Variants in EFR3A observed in about 807,000 individuals in gnomAD.
The protein encoded by EFR3A is protein EFR3 homolog A.
A neutral mutation model predicts 104.4 loss-of-function variants in EFR3A; 76 were observed. The observed-to-expected ratio is 0.73, with a 90% CI of 0.60 to 0.88. The LOEUF (loss-of-function observed/expected upper bound fraction) is 0.88. EFR3A is among the 40% of genes least tolerant of loss of function. The probability of loss-of-function intolerance (pLI) is 0.00; values close to 1 mark genes in which losing one functional copy is unlikely to be tolerated. For missense variants in EFR3A, 985 were observed against 1,012.5 expected (o/e 0.97, Z 0.37); for synonymous variants, 330 against 330.0 (o/e 1.00, Z 0.00).
At chr8:131,999,790 T>C (rs1821698305) in intron 19 of EFR3A, among the ~76,000 whole-genome samples, 1 of 152,178 alleles carries the variant, frequency 6.6e-6, no homozygotes, top group African/African-American at 2.4e-5. Flanking sequence ...GAGGGCTTTC[T>C]GTGTCACTTC....
chr8:131,950,055 C>T lies in EFR3A; in HGVS notation c.453C>T (p.Cys151=). 1 of 1,609,918 alleles carries T rather than the reference C, an allele frequency of 6.2e-7. No homozygotes were observed. The highest frequency in any genetic ancestry group is 1.1e-5 in the South Asian group (1 of 90,510). ...DFFVSRFSAM[C]HSCHSDPEIR... ...TTGTGTCTCGATTCAGTGCCATGTG[C>T]CATTCCTGTCATAGTGATCCAGAAA... Residue 151 remains cysteine (C), a synonymous_variant, in exon 5 of 23, where the codon TGC becomes TGT. Coordinates refer to ENST00000254624, the MANE Select transcript of EFR3A (RefSeq NM_015137.6).
chr8:131,960,378 A>G (rs981310809), intron 8 of EFR3A, among the ~76,000 whole-genome samples: 2 of 152,142 alleles, frequency 1.3e-5, no homozygotes, highest in Non-Finnish European at 2.9e-5. Flanking sequence ...GGCCAACTGC[A>G]GGACTTGAAT....
chr8:131,996,039 T>C (rs907374240), intron 18 of EFR3A, among the ~76,000 whole-genome samples: 1 of 152,160 alleles, frequency 6.6e-6, no homozygotes, highest in African/African-American at 2.4e-5. Flanking sequence ...ATATTGTCAG[T>C]TTTCATTTAG....
intron 22 of EFR3A, among the ~76,000 whole-genome samples, chr8:132,005,578 A>G (rs1821999055): frequency 6.6e-6 from 1 of 151,954 alleles, no homozygotes; most frequent in African/African-American, 2.4e-5. Context: ...CACGTCAAAG[A>G]ATTTAAAGGA....
intron 9 of EFR3A, among the ~76,000 whole-genome samples, chr8:131,970,271 C>T (rs1025909060): frequency 2.0e-5 from 3 of 152,094 alleles, no homozygotes; most frequent in Non-Finnish European, 4.4e-5. Flanking sequence ...CATAAATGCC[C>T]AGTAAATGTT....
chr8:131,972,360 C>G (rs1161736461), intron 10 of EFR3A, among the ~76,000 whole-genome samples: 1 of 151,210 alleles, frequency 6.6e-6, no homozygotes, highest in Non-Finnish European at 1.5e-5. Flanking sequence ...TCCAAAGGAG[C>G]TGCGGTTGTT....
At chr8:131,953,553 A>G (rs563873380) in intron 5 of EFR3A, among the ~76,000 whole-genome samples, 10 of 152,234 alleles carry the variant, frequency 6.6e-5, no homozygotes, top group East Asian at 1.9e-4. Context: ...AAATTGAAAA[A>G]TAGATATTTC....
Position 131,981,633 on chromosome 8 carries a change from G to T in EFR3A, c.1575+2212G>T, listed in dbSNP as rs114490216. Reference sequence around the variant, plus strand: ...GCAAAGAACTAAAGAAAAAAAATTGGGTTCTGTAGGCACAGGATGATGGAC... The same window carrying T: ...GCAAAGAACTAAAGAAAAAAAATTGTGTTCTGTAGGCACAGGATGATGGAC... On this transcript the variant is annotated intron_variant, in intron 14 of 22. Transcript: ENST00000254624. Among the ~76,000 whole-genome samples, 697 of 152,162 alleles carry T rather than the reference G, an allele frequency of 4.6e-3. 8 individuals are homozygous for T. The highest frequency in any genetic ancestry group is 0.016 in the African/African-American group (676 of 41,528).
At chr8:131,963,778 T>C (rs935358504) in intron 8 of EFR3A, among the ~76,000 whole-genome samples, 2 of 152,084 alleles carry the variant, frequency 1.3e-5, no homozygotes, top group Non-Finnish European at 2.9e-5. Context: ...AAAAAGAGAA[T>C]TTTAGACCAA....
chr8:131,904,384 C>T, intron 1 of EFR3A, 62 bp downstream of exon 1: 1 of 1,232,574 alleles, frequency 8.1e-7, no homozygotes, highest in Non-Finnish European at 1.0e-6. Context: ...CGCGCTTGGG[C>T]CGGGTACTCC....
Position 131,978,996 on chromosome 8 carries a change from T to C in EFR3A, c.1476T>C (p.Asn492=). 6.2e-7 allele frequency: 1 copy of C among 1,610,902 alleles called. No individual in the cohort carries two copies. Among genetic ancestry groups the C allele is most frequent in the Non-Finnish European group, 8.5e-7 (1 of 1,178,554 alleles). The change falls in exon 13 of 23, where the codon AAT becomes AAC. Residue 492 remains asparagine (N), a synonymous_variant. Coordinates refer to ENST00000254624, the MANE Select transcript of EFR3A (RefSeq NM_015137.6). ...ATAATCTCATGGATCGTCATGACAA[T>C]AGGGCAAAGCTTCGAGGGATCAGGT... The part of the protein sequence containing the change: ...VMHNLMDRHD[N]RAKLRGIRII...
At chr8:131,932,020 C>G (rs1257263469) in intron 1 of EFR3A, among the ~76,000 whole-genome samples, 1 of 152,038 alleles carries the variant, frequency 6.6e-6, no homozygotes, top group East Asian at 1.9e-4. Flanking sequence ...CTCAAAATGC[C>G]AAATTATATA....
intron 10 of EFR3A, among the ~76,000 whole-genome samples, chr8:131,974,738 A>T (rs1200183267): frequency 6.6e-6 from 1 of 152,196 alleles, no homozygotes; most frequent in Non-Finnish European, 1.5e-5. Flanking sequence ...ATGGAGATGG[A>T]GTCATGTTAA....
chr8:131,940,504 T>G lies in EFR3A; in HGVS notation c.16T>G (p.Cys6Gly). 6.3e-7 allele frequency: 1 copy of G among 1,597,756 alleles called. No individual in the cohort carries two copies. Among genetic ancestry groups the G allele is most frequent in the South Asian group, 1.1e-5 (1 of 88,668 alleles). MPTRV[C>G]CCCSALRPRY... ...GATTTTTTTTTTTTTAACAGGAGTA[T>G]GCTGCTGCTGTTCCGCTTTGCGTCC... Residue 6 changes from cysteine to glycine, a missense_variant, in exon 2 of 23, where the codon TGC becomes GGC. By Grantham distance (159) the Cys-to-Gly change is radical. Coordinates refer to ENST00000254624, the MANE Select transcript of EFR3A (RefSeq NM_015137.6).
At chr8:131,931,200 G>C (rs933152723) in intron 1 of EFR3A, among the ~76,000 whole-genome samples, 2 of 152,130 alleles carry the variant, frequency 1.3e-5, no homozygotes, top group African/African-American at 2.4e-5. Flanking sequence ...TTCTTCTTCA[G>C]AGGGCTCATA....
At position 131,955,829 on chromosome 8, in the gene EFR3A, G is replaced by C; in HGVS notation, c.700G>C (p.Ala234Pro). 1 of 1,613,502 alleles carries C rather than the reference G, an allele frequency of 6.2e-7. No homozygotes were observed. The part of the protein sequence containing the change: ...TDKEENPAVL[A>P]ENCFRELLGR... ...CAAAGAAGAGAATCCTGCTGTGCTGGCTGAAAACTGTTTCAGAGAACTGCT... is the reference window on the plus strand; with the variant it reads ...CAAAGAAGAGAATCCTGCTGTGCTGCCTGAAAACTGTTTCAGAGAACTGCT... Residue 234 changes from alanine (A) to proline (P), a missense_variant, in exon 7 of 23, where the codon GCT becomes CCT. Transcript: ENST00000254624.
chr8:131,962,895 A>G (rs1006649697), intron 8 of EFR3A, among the ~76,000 whole-genome samples: 26 of 152,242 alleles, frequency 1.7e-4, no homozygotes, highest in African/African-American at 5.5e-4. Context: ...CAATCAAAGT[A>G]GAACTCAGGA....
intron 1 of EFR3A, among the ~76,000 whole-genome samples, chr8:131,912,618 A>G (rs979603495): frequency 6.6e-6 from 1 of 152,188 alleles, no homozygotes; most frequent in African/African-American, 2.4e-5. Flanking sequence ...TTTCTTCTCT[A>G]TAATTGGTGT....
intron 8 of EFR3A, among the ~76,000 whole-genome samples, chr8:131,962,959 C>T (rs560397978): frequency 7.0e-4 from 107 of 152,184 alleles, no homozygotes; most frequent in African/African-American, 2.5e-3. Flanking sequence ...CAACCTGCTC[C>T]TGAATGACTA....
Sources: gnomAD v4.1 joint callset for allele counts (sites outside exome capture counted in the v4.1 genomes callset) on GRCh38, gnomAD v4.1.1 for gene constraint, MANE v1.5 for transcripts, NCBI Gene and HGNC (gene_info 2026-07-23, HGNC 2026-07-21) for gene names.